The following PHACTR3 variants were observed in gnomAD, a reference collection of about 807,000 sequenced individuals.
PHACTR3 encodes the protein protein phosphatase 1, regulatory subunit 123.
In PHACTR3, 16 loss-of-function variants were observed where a neutral mutation model predicts 66.8. The ratio of observed to expected loss-of-function variants is 0.24; its 90% CI spans 0.16 to 0.36. The LOEUF is 0.36. PHACTR3 is among the 10% of genes least tolerant of loss of function. The pLI, the probability that PHACTR3 is intolerant of heterozygous loss-of-function variation, is 1.00. For missense variants in PHACTR3, 647 were observed against 719.9 expected (o/e 0.90, Z 1.16); for synonymous variants, 323 against 292.1 (o/e 1.11, Z -1.08).
intron 4 of PHACTR3, among the ~76,000 whole-genome samples, chr20:59,758,304 C>A (rs1161242928): frequency 6.6e-6 from 1 of 152,172 alleles, no homozygotes; most frequent in Non-Finnish European, 1.5e-5. Context: ...AATGAAAATA[C>A]TTTTCAGTAA....
chr20:59,595,257 T>C (rs769088898), intron 1 of PHACTR3, among the ~76,000 whole-genome samples: 4 of 152,012 alleles, frequency 2.6e-5, no homozygotes, highest in Non-Finnish European at 5.9e-5. Context: ...GGTCAGGAGT[T>C]CGAGACCAGC....
chr20:59,622,860 T>C (rs1014129373), intron 1 of PHACTR3, among the ~76,000 whole-genome samples: 1 of 151,684 alleles, frequency 6.6e-6, no homozygotes, highest in Non-Finnish European at 1.5e-5. Context: ...TGTGAACTGC[T>C]ATCCAGAGTG....
intron 8 of PHACTR3, among the ~76,000 whole-genome samples, chr20:59,827,823 C>A (rs1411527702): frequency 1.3e-5 from 2 of 152,250 alleles, no homozygotes; most frequent in Non-Finnish European, 2.9e-5. Flanking sequence ...CATCAGAAGC[C>A]CCCCACTGCA....
intron 1 of PHACTR3, among the ~76,000 whole-genome samples, chr20:59,639,378 C>T (rs1284264239): frequency 2.0e-5 from 3 of 152,140 alleles, no homozygotes; most frequent in African/African-American, 7.2e-5. Flanking sequence ...GTTCTTTTCT[C>T]TTGGCCAAGA....
chr20:59,819,793 G>A (rs548684390), intron 8 of PHACTR3, among the ~76,000 whole-genome samples: 7 of 151,492 alleles, frequency 4.6e-5, no homozygotes, highest in African/African-American at 7.3e-5. Context: ...GAGGCACCTG[G>A]CTGGGCCGGT....
intron 1 of PHACTR3, among the ~76,000 whole-genome samples, chr20:59,655,121 G>A (rs2035576255): frequency 6.6e-6 from 1 of 151,978 alleles, no homozygotes; most frequent in Admixed American, 6.6e-5. Context: ...CATAGGGTAG[G>A]TTTATGTTTA....
chr20:59,698,634 G>C (rs1316651484), intron 1 of PHACTR3, among the ~76,000 whole-genome samples: 1 of 152,152 alleles, frequency 6.6e-6, no homozygotes, highest in Non-Finnish European at 1.5e-5. Flanking sequence ...TATTTGAGGA[G>C]CTTAGAGAAG....
chr20:59,688,460 A>G (rs1023268317), intron 1 of PHACTR3, among the ~76,000 whole-genome samples: 2 of 152,194 alleles, frequency 1.3e-5, no homozygotes, highest in Admixed American at 6.5e-5. Context: ...TGTTAGTAGT[A>G]CTGGGAAAGC....
intron 1 of PHACTR3, among the ~76,000 whole-genome samples, chr20:59,592,337 A>AG (rs2033207708): frequency 6.6e-6 from 1 of 152,172 alleles, no homozygotes; most frequent in Non-Finnish European, 1.5e-5. Flanking sequence ...ACTGAGAGGA[A>AG]GGTACAGGAA....
At chr20:59,767,437 GCC>G (rs769609415) in intron 5 of PHACTR3, 42 bp downstream of exon 5, 15 of 1,576,400 alleles carry the variant, frequency 9.5e-6, no homozygotes, top group Non-Finnish European at 1.3e-5. Flanking sequence ...TCCTTTCTCT[GCC>G]CCATCCATCC....
At chr20:59,680,161 C>T (rs913890389) in intron 1 of PHACTR3, among the ~76,000 whole-genome samples, 9 of 152,050 alleles carry the variant, frequency 5.9e-5, no homozygotes, top group African/African-American at 1.9e-4. Context: ...AGAAGGGTTC[C>T]GTGTGGGGAT....
chr20:59,723,177 G>A (rs1457547365), intron 1 of PHACTR3, among the ~76,000 whole-genome samples: 1 of 145,996 alleles, frequency 6.8e-6, no homozygotes, highest in Non-Finnish European at 1.5e-5. Flanking sequence ...ACAGTTCACA[G>A]TTCTGTGGTT....
chr20:59,688,025 G>A (rs1485287799), intron 1 of PHACTR3, among the ~76,000 whole-genome samples: 1 of 151,988 alleles, frequency 6.6e-6, no homozygotes, highest in Non-Finnish European at 1.5e-5. Flanking sequence ...GCAGCCTCAG[G>A]CACAGAACCC....
chr20:59,795,172 G>A (rs6100595), intron 7 of PHACTR3, among the ~76,000 whole-genome samples: 12,690 of 151,748 alleles, frequency 0.084, 1,240 homozygotes, highest in African/African-American at 0.23. Context: ...TATCTCATAG[G>A]GTTTGGTATG....
At chr20:59,643,154 G>A (rs369073440) in intron 1 of PHACTR3, among the ~76,000 whole-genome samples, 11 of 152,206 alleles carry the variant, frequency 7.2e-5, no homozygotes, top group African/African-American at 1.7e-4. Context: ...CTTGTGATCC[G>A]CCCGCCTCGG....
intron 8 of PHACTR3, among the ~76,000 whole-genome samples, chr20:59,807,292 G>A (rs1212201574): frequency 6.6e-6 from 1 of 152,002 alleles, no homozygotes; most frequent in East Asian, 1.9e-4. Context: ...CTTTTTAAAT[G>A]TTTTATTAAA....
chr20:59,814,540 C>T (rs547272699), intron 8 of PHACTR3, among the ~76,000 whole-genome samples: 12 of 152,290 alleles, frequency 7.9e-5, no homozygotes. Flanking sequence ...GGAGACTGCC[C>T]GGTCCATGCT....
chr20:59,690,756 C>A (rs1309055143), intron 1 of PHACTR3, among the ~76,000 whole-genome samples: 3 of 152,186 alleles, frequency 2.0e-5, no homozygotes, highest in South Asian at 2.1e-4. Context: ...CCTCCAGTTC[C>A]CCATCCCCTT....
chr20:59,723,050 TTCTTTCTTTC>T (rs1433883592), intron 1 of PHACTR3, among the ~76,000 whole-genome samples: 115 of 147,268 alleles, frequency 7.8e-4, no homozygotes, highest in African/African-American at 2.6e-3. Context: ...CTCTTTTTCT[TTCTTTCTTTC>T]TCTTTCTTTC....
Sources: allele counts gnomAD v4.1 joint callset (sites outside exome capture counted in the v4.1 genomes callset), GRCh38; gene constraint gnomAD v4.1.1; transcripts MANE v1.5; gene names NCBI Gene and HGNC (gene_info 2026-07-23, HGNC 2026-07-21).